The following CGNL1 variants were observed in gnomAD, a reference collection of about 807,000 sequenced individuals.
CGNL1 encodes cingulin like 1.
Under a neutral mutation model 141.2 loss-of-function variants are expected in CGNL1, and 132 were observed. The observed-to-expected ratio is 0.93, with a 90% CI of 0.81 to 1.08. The LOEUF (loss-of-function observed/expected upper bound fraction) is 1.08. Ranked by LOEUF, CGNL1 falls within the 50% of genes least tolerant of loss-of-function variation. The pLI, the probability that CGNL1 is intolerant of heterozygous loss-of-function variation, is 0.00. For missense variants in CGNL1, 1,870 were observed against 1,588.6 expected (o/e 1.18, Z -3.01); for synonymous variants, 690 against 622.1 (o/e 1.11, Z -1.63).
Position 57,538,710 on chromosome 15 carries a change from G to A in CGNL1, c.3292-4986G>A, listed in dbSNP as rs192541699. Among the ~76,000 whole-genome samples the A allele has an allele frequency of 3.3e-4, 51 of 152,246 alleles. 1 individual carries two copies. In the Middle Eastern group the frequency reaches 0.01, roughly 30 times the overall value. On this transcript the variant is annotated intron_variant, in intron 14 of 18. Coordinates refer to ENST00000281282, the MANE Select transcript of CGNL1 (RefSeq NM_032866.5). ...TCCTGAACCCCCAGGCTGGGCCCAG[G>A]GCTGCGTGACCACTTGGCCATCCTG...
chr15:57,470,380 T>C (rs1413212070), intron 8 of CGNL1, among the ~76,000 whole-genome samples: 1 of 151,718 alleles, frequency 6.6e-6, no homozygotes, highest in East Asian at 1.9e-4. Context: ...GGATGTTCCT[T>C]TTGAACCCAT....
intron 8 of CGNL1, among the ~76,000 whole-genome samples, chr15:57,473,599 T>C (rs912522125): frequency 6.6e-6 from 1 of 152,174 alleles, no homozygotes; most frequent in African/African-American, 2.4e-5. Context: ...TGACTTCCGT[T>C]GCTTGATCAT....
chr15:57,393,388 C>T (rs973781289), intron 1 of CGNL1, among the ~76,000 whole-genome samples: 8 of 152,118 alleles, frequency 5.3e-5, no homozygotes, highest in Non-Finnish European at 1.2e-4. Context: ...CTTAGTAGGC[C>T]TCCTCTGCTG....
intron 7 of CGNL1, among the ~76,000 whole-genome samples, chr15:57,460,437 G>A (rs968095455): frequency 2.6e-5 from 4 of 152,132 alleles, no homozygotes; most frequent in African/African-American, 9.7e-5. Flanking sequence ...GTATGGGTAG[G>A]AACAAAATGG....
chr15:57,506,908 G>A (rs1200617984), intron 8 of CGNL1, among the ~76,000 whole-genome samples: 4 of 152,118 alleles, frequency 2.6e-5, no homozygotes, highest in Admixed American at 1.3e-4. Context: ...CACTCTTTTT[G>A]TTTTCTTTTG....
intron 8 of CGNL1, among the ~76,000 whole-genome samples, chr15:57,471,831 T>A (rs945918444): frequency 2.6e-5 from 4 of 152,210 alleles, no homozygotes; most frequent in African/African-American, 9.6e-5. Flanking sequence ...TTTATGGTCA[T>A]TAATTAAGCA....
At chr15:57,397,052 C>T (rs1413598349) in intron 1 of CGNL1, 8 of 152,024 alleles carry the variant, frequency 5.3e-5, no homozygotes, top group African/African-American at 1.5e-4. Context: ...AGGACGGGGT[C>T]GCTAAAGTCT....
chr15:57,404,233 G>T (rs1457575707), intron 1 of CGNL1, among the ~76,000 whole-genome samples: 2 of 152,142 alleles, frequency 1.3e-5, no homozygotes, highest in Non-Finnish European at 2.9e-5. Context: ...AGCTTAGAAC[G>T]GCCCAGCTTT....
At chr15:57,512,663 A>G (rs1368811788) in intron 8 of CGNL1, among the ~76,000 whole-genome samples, 2 of 152,212 alleles carry the variant, frequency 1.3e-5, no homozygotes. Context: ...AATTCAGTCC[A>G]GGTTCCCTTA....
At chr15:57,513,402 A>G (rs2030508876) in intron 8 of CGNL1, among the ~76,000 whole-genome samples, 1 of 152,128 alleles carries the variant, frequency 6.6e-6, no homozygotes, top group South Asian at 2.1e-4. Flanking sequence ...CATTCTATGG[A>G]TATGCCACAT....
At chr15:57,460,751 C>G (rs1034131016) in intron 7 of CGNL1, among the ~76,000 whole-genome samples, 4 of 152,150 alleles carry the variant, frequency 2.6e-5, no homozygotes, top group Admixed American at 6.5e-5. Context: ...AGTGTCCCCC[C>G]CTTGACAAGT....
chr15:57,467,686 C>CT (rs140789370), intron 8 of CGNL1, among the ~76,000 whole-genome samples: 30,626 of 107,490 alleles, frequency 0.28, 5,167 homozygotes, highest in East Asian at 0.47. Flanking sequence ...GAGTCTCTGT[C>CT]TTTTTTTTTT....
At chr15:57,430,125 T>C (rs1349754349) in intron 1 of CGNL1, among the ~76,000 whole-genome samples, 2 of 152,208 alleles carry the variant, frequency 1.3e-5, no homozygotes, top group African/African-American at 4.8e-5. Context: ...CGTCATTTCA[T>C]TTAGCATACA....
rs565544548 is a variant in CGNL1, at chr15:57,512,879, G to A, written c.2404-3901G>A. The stretch of plus-strand genomic sequence containing the variant: ...ACACCTCAGCAAACCTCCAGACCAC[G>A]GGGGTAAATGCATCATCTCTCTCCA... On this transcript the variant is annotated intron_variant, in intron 8 of 18. Transcript: ENST00000281282. Among the ~76,000 whole-genome samples the A allele has an allele frequency of 6.6e-5, 10 of 152,074 alleles. No homozygotes were observed. In the East Asian group the frequency reaches 7.7e-4, roughly 12 times the overall value.
At chr15:57,447,337 C>T (rs1214061399) in intron 4 of CGNL1, among the ~76,000 whole-genome samples, 4 of 152,180 alleles carry the variant, frequency 2.6e-5, no homozygotes, top group African/African-American at 9.7e-5. Context: ...TGAATATCCT[C>T]TAGTACTTTT....
intron 1 of CGNL1, among the ~76,000 whole-genome samples, chr15:57,426,648 A>T (rs1170858600): frequency 2.1e-5 from 3 of 146,148 alleles, no homozygotes; most frequent in African/African-American, 7.7e-5. Flanking sequence ...TTGTAGAGAC[A>T]AGGTTTTGCC....
At position 57,535,814 on chromosome 15, in the gene CGNL1, G is replaced by A. The variant is rs76228261; in HGVS notation, c.3291+4035G>A. On this transcript the variant is annotated intron_variant, in intron 14 of 18. Transcript: ENST00000281282. ...TGAGGACTGGAGAAGGGGCGACTGA[G>A]AGGAGGCCTCAACTGTGCTGTTACC... Among the ~76,000 whole-genome samples, 412 of 152,292 alleles carry A rather than the reference G, an allele frequency of 2.7e-3. 2 individuals are homozygous for A. The highest frequency in any genetic ancestry group is 9.4e-3 in the African/African-American group (391 of 41,568).
chr15:57,543,689 G>T lies in CGNL1; in HGVS notation c.3292-7G>T. On this transcript the variant is annotated splice_polypyrimidine_tract_variant and splice_region_variant and intron_variant, in intron 14 of 18. Coordinates refer to ENST00000281282, the MANE Select transcript of CGNL1 (RefSeq NM_032866.5). ...TAACCTCTGGGCTTTTGTTCTGCTT[G>T]CTGTAGATGGAGCAGTTGAGGAATG... 1 of 1,611,872 alleles carries T rather than the reference G, an allele frequency of 6.2e-7. No homozygotes were observed.
In CGNL1 at chr15:57,381,183, A is replaced by G. The variant is rs77781464; in HGVS notation, c.-16+4616A>G. On this transcript the variant is annotated intron_variant, in intron 1 of 18. Transcript: ENST00000281282. The stretch of plus-strand genomic sequence containing the variant: ...TTTCGTTCATTACTGTAAACCCTTT[A>G]CATTCCTGAGAGGCAGGTGGCAGTG... Among the ~76,000 whole-genome samples, 364 of 152,296 alleles carry G rather than the reference A, an allele frequency of 2.4e-3. 1 individual carries two copies. Among genetic ancestry groups the G allele is most frequent in the African/African-American group, 8.2e-3 (341 of 41,560 alleles).
Sources: gnomAD v4.1 joint callset for allele counts (sites outside exome capture counted in the v4.1 genomes callset) on GRCh38, gnomAD v4.1.1 for gene constraint, MANE v1.5 for transcripts, NCBI Gene and HGNC (gene_info 2026-07-23, HGNC 2026-07-21) for gene names.